The following PEMT variants were observed in gnomAD, a reference collection of about 807,000 sequenced individuals.
The protein encoded by PEMT is phospholipid methyltransferase.
A neutral mutation model predicts 27.4 loss-of-function variants in PEMT; 23 were observed. The ratio of observed to expected loss-of-function variants is 0.84; its 90% CI spans 0.60 to 1.19. The LOEUF is 1.19. Among genes scored for constraint, PEMT ranks in the 50% most tolerant of loss-of-function variants. The probability of loss-of-function intolerance (pLI) is 0.00; values close to 1 mark genes in which losing one functional copy is unlikely to be tolerated. For synonymous variants in PEMT, 137 were observed against 139.1 expected (o/e 0.98, Z 0.11); for missense variants, 307 against 310.1 (o/e 0.99, Z 0.07).
intron 2 of PEMT, among the ~76,000 whole-genome samples, chr17:17,536,004 G>A (rs562470759): frequency 8.5e-5 from 13 of 152,136 alleles, no homozygotes; most frequent in African/African-American, 1.2e-4. Context: ...GTCTGGCAAC[G>A]ACTCCCTTAT....
chr17:17,546,731 G>A (rs1209493264), intron 2 of PEMT, among the ~76,000 whole-genome samples: 1 of 152,240 alleles, frequency 6.6e-6, no homozygotes. Context: ...GGGACAAGGT[G>A]GGGCATTAGT....
At chr17:17,547,921 C>T (rs1909372606) in intron 2 of PEMT, among the ~76,000 whole-genome samples, 1 of 152,100 alleles carries the variant, frequency 6.6e-6, no homozygotes, top group African/African-American at 2.4e-5. Flanking sequence ...GATGGAGAAG[C>T]CAGAAGGAAG....
At chr17:17,553,326 T>C (rs1909797628) in intron 2 of PEMT, among the ~76,000 whole-genome samples, 1 of 152,194 alleles carries the variant, frequency 6.6e-6, no homozygotes, top group Non-Finnish European at 1.5e-5. Context: ...AGAACTTGGC[T>C]GCGGGGATGC....
intron 2 of PEMT, among the ~76,000 whole-genome samples, chr17:17,548,716 G>T (rs796674901): frequency 2.6e-4 from 39 of 152,232 alleles, no homozygotes; most frequent in African/African-American, 8.2e-4. Flanking sequence ...GCCTGGCTAA[G>T]TTTGCATTTT....
At chr17:17,551,125 A>C (rs1268169628) in intron 2 of PEMT, among the ~76,000 whole-genome samples, 1 of 152,148 alleles carries the variant, frequency 6.6e-6, no homozygotes, top group East Asian at 1.9e-4. Flanking sequence ...AATAAACGTT[A>C]ATTACTGTTG....
At chr17:17,564,177 T>G (rs1391630253) in intron 2 of PEMT, among the ~76,000 whole-genome samples, 1 of 152,116 alleles carries the variant, frequency 6.6e-6, no homozygotes, top group Non-Finnish European at 1.5e-5. Flanking sequence ...GAACACCAGG[T>G]CCTTGGGCCG....
intron 2 of PEMT, among the ~76,000 whole-genome samples, chr17:17,571,581 C>G (rs934537342): frequency 1.3e-5 from 2 of 152,254 alleles, no homozygotes; most frequent in African/African-American, 4.8e-5. Flanking sequence ...GCACCCCAGC[C>G]CAATGCTGGG....
chr17:17,558,520 A>C (rs1480915803), intron 2 of PEMT, among the ~76,000 whole-genome samples: 5 of 145,208 alleles, frequency 3.4e-5, no homozygotes, highest in Non-Finnish European at 6.1e-5. Context: ...AAAAAAAAAA[A>C]CAAAAAACAA....
intron 2 of PEMT, among the ~76,000 whole-genome samples, chr17:17,532,356 T>C (rs1352416827): frequency 1.3e-5 from 2 of 152,176 alleles, no homozygotes; most frequent in African/African-American, 4.8e-5. Flanking sequence ...GGCCACAAGA[T>C]ACGATTGTAT....
intron 1 of PEMT, among the ~76,000 whole-genome samples, chr17:17,584,190 C>A (rs1912120632): frequency 6.6e-6 from 1 of 152,072 alleles, no homozygotes; most frequent in Admixed American, 6.6e-5. Flanking sequence ...GATGGAGTCT[C>A]ACTCTATCAC....
intron 3 of PEMT, among the ~76,000 whole-genome samples, chr17:17,517,366 G>C (rs571765776): frequency 6.6e-6 from 1 of 152,380 alleles, no homozygotes; most frequent in African/African-American, 2.4e-5. Flanking sequence ...GTTCTGCCAA[G>C]ACAGCAGGAG....
intron 2 of PEMT, among the ~76,000 whole-genome samples, chr17:17,539,933 G>A (rs759204808): frequency 6.6e-6 from 1 of 152,236 alleles, no homozygotes; most frequent in Non-Finnish European, 1.5e-5. Flanking sequence ...CCACGCAGGT[G>A]GCAGGGAGCT....
rs186836337 is a variant in PEMT, at chr17:17,572,118, C to T, written c.204+4802G>A. Among the ~76,000 whole-genome samples, 58 of 152,324 alleles carry T rather than the reference C, an allele frequency of 3.8e-4. No individual in the cohort carries two copies. The East Asian group carries it at 9.7e-3, about 25-fold the overall frequency. The stretch of plus-strand genomic sequence containing the variant: ...GGGCAGCCAACGGCCTTGCCTCCCA[C>T]GGGTCACTCAGGCCCAACCATGGGC... On this transcript the variant is annotated intron_variant, in intron 2 of 6. Transcript: ENST00000255389.
chr17:17,579,968 C>A (rs1911880235), intron 1 of PEMT, among the ~76,000 whole-genome samples: 1 of 152,224 alleles, frequency 6.6e-6, no homozygotes, highest in Admixed American at 6.5e-5. Flanking sequence ...GGCGCTCCAG[C>A]AGGTGCCTCC....
At chr17:17,527,957 C>A (rs1236521138) in intron 2 of PEMT, among the ~76,000 whole-genome samples, 2 of 152,214 alleles carry the variant, frequency 1.3e-5, no homozygotes, top group Admixed American at 1.3e-4. Context: ...CATCTGGATT[C>A]CACAGCCAGG....
chr17:17,571,009 T>G (rs1166363234), intron 2 of PEMT: 8 of 652,818 alleles, frequency 1.2e-5, no homozygotes, highest in Non-Finnish European at 1.5e-5. Context: ...CCACAGTGCC[T>G]GGACCCAAGG....
At chr17:17,514,628 C>T (rs1906673307) in intron 3 of PEMT, among the ~76,000 whole-genome samples, 1 of 152,256 alleles carries the variant, frequency 6.6e-6, no homozygotes, top group Non-Finnish European at 1.5e-5. Context: ...CTCAGGGTCA[C>T]CCCGCAGCTC....
chr17:17,556,216 T>C (rs1910042307), intron 2 of PEMT, among the ~76,000 whole-genome samples: 1 of 152,220 alleles, frequency 6.6e-6, no homozygotes, highest in African/African-American at 2.4e-5. Flanking sequence ...GGAACAGGTC[T>C]TCTGACTCTC....
At chr17:17,545,966 C>T (rs1189210972) in intron 2 of PEMT, among the ~76,000 whole-genome samples, 1 of 152,226 alleles carries the variant, frequency 6.6e-6, no homozygotes, top group Non-Finnish European at 1.5e-5. Flanking sequence ...CTCTTTCCTT[C>T]TGGAAGGAGG....
Sources: allele counts gnomAD v4.1 joint callset (sites outside exome capture counted in the v4.1 genomes callset), GRCh38; gene constraint gnomAD v4.1.1; transcripts MANE v1.5; gene names NCBI Gene and HGNC (gene_info 2026-07-23, HGNC 2026-07-21).